MTAP: variants seen among roughly 807,000 people sequenced by gnomAD.
The protein encoded by MTAP is methylthioadenosine phosphorylase.
In MTAP, 33 loss-of-function variants were observed where a neutral mutation model predicts 33.6. The ratio of observed to expected loss-of-function variants is 0.98; its 90% CI spans 0.74 to 1.31. The LOEUF (loss-of-function observed/expected upper bound fraction) is 1.31, where lower values mean the gene tolerates loss of function less well. Among genes scored for constraint, MTAP ranks in the 40% most tolerant of loss-of-function variants. The pLI is 0.00. For synonymous variants in MTAP, 148 were observed against 125.7 expected, an observed-to-expected ratio of 1.18 and a Z score of -1.19; for missense variants, 367 against 360.0, an observed-to-expected ratio of 1.02 and a Z score of -0.16.
chr9:21,827,646 C>T (rs1587219737), intron 4 of MTAP, among the ~76,000 whole-genome samples: 1 of 152,202 alleles, frequency 6.6e-6, no homozygotes, highest in Admixed American at 6.5e-5. Flanking sequence ...CATGTGAGAT[C>T]AAAGTCACTT....
chr9:21,914,207 G>A (rs1168807617), intron 1 of MTAP, among the ~76,000 whole-genome samples: 2 of 152,182 alleles, frequency 1.3e-5, no homozygotes, highest in Non-Finnish European at 2.9e-5. Context: ...TTCAACCATT[G>A]TGGAAGACAG....
chr9:21,917,139 G>T (rs1289881589), intron 1 of MTAP, among the ~76,000 whole-genome samples: 2 of 152,182 alleles, frequency 1.3e-5, no homozygotes, highest in East Asian at 3.8e-4. Flanking sequence ...AATGAGGAAG[G>T]CTTTGGGTGG....
intron 4 of MTAP, among the ~76,000 whole-genome samples, chr9:21,835,246 C>G (rs1288093682): frequency 6.6e-6 from 1 of 152,162 alleles, no homozygotes; most frequent in Admixed American, 6.5e-5. Context: ...ACCATCACAT[C>G]TTGTGAGTTT....
chr9:21,894,031 G>C lies in MTAP; in HGVS notation c.148-36977G>C, dbSNP rs1402602815. 2.0e-5 allele frequency among the ~76,000 whole-genome samples: 3 copies of C among 151,688 alleles called. No homozygotes were observed. The East Asian group carries it at 5.8e-4, about 29-fold the overall frequency. ...ATGCTAGCAAACGAAATCCAGCATT[G>C]TATCAAAAAGCTAATCCACCATGAT... On this transcript the variant is annotated intron_variant, in intron 1 of 1. Coordinates refer to the MTAP transcript ENST00000577563.
chr9:21,826,197 T>C (rs971200593), intron 4 of MTAP, among the ~76,000 whole-genome samples: 1 of 151,978 alleles, frequency 6.6e-6, no homozygotes, highest in Non-Finnish European at 1.5e-5. Context: ...TCTTTTTTTT[T>C]TTTTTTAAAG....
chr9:21,862,926 A>C lies in MTAP; in HGVS notation c.*912A>C. 1.0e-6 allele frequency: 1 copy of C among 977,400 alleles called. No homozygotes were observed. Among genetic ancestry groups the C allele is most frequent in the Non-Finnish European group, 1.2e-6 (1 of 822,694 alleles). 60.5% of individuals were successfully genotyped at this position (977,400 alleles called of 1,614,324 possible). A position where few individuals can be genotyped will look rare whatever the true frequency, so the allele number is the denominator to read the frequency against. On this transcript the variant is annotated 3_prime_UTR_variant, in exon 8 of 8. Coordinates refer to ENST00000644715, the MANE Select transcript of MTAP (RefSeq NM_002451.4). ...ATCAAATAGTAAAGTTGTTGTAAAAATAAAAGTGGATTTAGAAAGATCCAG... is the reference window on the plus strand; with the variant it reads ...ATCAAATAGTAAAGTTGTTGTAAAACTAAAAGTGGATTTAGAAAGATCCAG...
chr9:21,895,427 G>C (rs923956000), intron 1 of MTAP, among the ~76,000 whole-genome samples: 4 of 152,240 alleles, frequency 2.6e-5, no homozygotes, highest in Non-Finnish European at 4.4e-5. Flanking sequence ...GAAGACCAGT[G>C]ATTTCTGTAT....
At chr9:21,821,251 G>A (rs940488487) in intron 4 of MTAP, among the ~76,000 whole-genome samples, 2 of 152,188 alleles carry the variant, frequency 1.3e-5, no homozygotes, top group Admixed American at 1.3e-4. Flanking sequence ...GTATGATATT[G>A]GCTGTGGGGT....
chr9:21,908,637 T>G (rs1022294775), intron 1 of MTAP, among the ~76,000 whole-genome samples: 1 of 152,078 alleles, frequency 6.6e-6, no homozygotes, highest in Non-Finnish European at 1.5e-5. Flanking sequence ...AATAGTGTTA[T>G]GACTTAACAC....
chr9:21,829,103 C>G (rs1824897512), intron 4 of MTAP, among the ~76,000 whole-genome samples: 1 of 152,176 alleles, frequency 6.6e-6, no homozygotes, highest in African/African-American at 2.4e-5. Context: ...TAAAGTGAAT[C>G]TTGGTGTATT....
At chr9:21,859,186 TA>T in intron 6 of MTAP, 116 bp from the exon 7 acceptor site, 5 of 1,443,916 alleles carry the variant, frequency 3.5e-6, no homozygotes, top group Non-Finnish European at 4.6e-6. Flanking sequence ...TTTCAGCAGA[TA>T]AATTTGAGGG....
intron 4 of MTAP, among the ~76,000 whole-genome samples, chr9:21,829,503 G>A (rs1280557742): frequency 2.0e-5 from 3 of 150,770 alleles, no homozygotes; most frequent in Non-Finnish European, 4.4e-5. Context: ...TCGGCTCACT[G>A]CAAGTGTGAG....
chr9:21,896,161 A>G (rs935566642), intron 1 of MTAP, among the ~76,000 whole-genome samples: 29 of 152,228 alleles, frequency 1.9e-4, no homozygotes, highest in Admixed American at 1.3e-4. Context: ...CTGAATGACT[A>G]TTGGGTCCAT....
intron 1 of MTAP, among the ~76,000 whole-genome samples, chr9:21,897,266 C>G (rs1016390723): frequency 6.6e-6 from 1 of 152,134 alleles, no homozygotes; most frequent in African/African-American, 2.4e-5. Flanking sequence ...AAACCCACAG[C>G]CAATATCATA....
chr9:21,880,867 A>G (rs1178619572), intron 1 of MTAP, among the ~76,000 whole-genome samples: 3 of 152,176 alleles, frequency 2.0e-5, no homozygotes, highest in Admixed American at 6.6e-5. Flanking sequence ...CAATCCCTAT[A>G]AAAATCTCAA....
chr9:21,877,371 C>G (rs983300332), intron 1 of MTAP, among the ~76,000 whole-genome samples: 2 of 152,116 alleles, frequency 1.3e-5, no homozygotes, highest in East Asian at 3.9e-4. Context: ...CCTGATTGCT[C>G]CAGCCAGGAC....
At chr9:21,929,880 G>A in intron 1 of MTAP, 1 of 329,054 alleles carries the variant, frequency 3.0e-6, no homozygotes, top group Admixed American at 3.1e-5. Context: ...CTCTTTCCCA[G>A]TATAGCTTGT....
chr9:21,845,674 A>G (rs1825362041), intron 5 of MTAP, among the ~76,000 whole-genome samples: 1 of 152,204 alleles, frequency 6.6e-6, no homozygotes, highest in Admixed American at 6.5e-5. Flanking sequence ...ATATAAAAGT[A>G]TCATATTTCT....
intron 1 of MTAP, among the ~76,000 whole-genome samples, chr9:21,915,440 C>T (rs751717967): frequency 6.6e-5 from 10 of 151,856 alleles, no homozygotes; most frequent in Non-Finnish European, 1.0e-4. Context: ...ATGGTTATAC[C>T]GCATTTTGTT....
Sources: allele counts gnomAD v4.1 joint callset (sites outside exome capture counted in the v4.1 genomes callset), GRCh38; gene constraint gnomAD v4.1.1; transcripts MANE v1.5; gene names NCBI Gene and HGNC (gene_info 2026-07-23, HGNC 2026-07-21).